The following GRIA4 variants were observed in gnomAD, a reference collection of about 807,000 sequenced individuals.
The protein encoded by GRIA4 is glutamate receptor 4.
Under a neutral mutation model 104.0 loss-of-function variants are expected in GRIA4, and 34 were observed. The ratio of observed to expected loss-of-function variants is 0.33; its 90% CI spans 0.25 to 0.44. The LOEUF (loss-of-function observed/expected upper bound fraction) is 0.44. GRIA4 is among the 20% of genes least tolerant of loss of function. GRIA4 has a pLI of 1.00. For synonymous variants in GRIA4, 386 were observed against 381.9 expected, an observed-to-expected ratio of 1.01 and a Z score of -0.13; for missense variants, 750 against 1,096.5, an observed-to-expected ratio of 0.68 and a Z score of 4.46.
At chr11:105,786,123 C>T (rs114458076) in intron 4 of GRIA4, among the ~76,000 whole-genome samples, 1,328 of 118,352 alleles carry the variant, frequency 0.011, 31 homozygotes, top group African/African-American at 0.042. Flanking sequence ...CCAGCCTGGG[C>T]GACACAGTGA....
Position 105,974,403 on chromosome 11 carries a change from G to T in GRIA4, c.2503G>T (p.Glu835Ter). 6.2e-7 allele frequency: 1 copy of T among 1,614,014 alleles called. No homozygotes were observed. Among genetic ancestry groups the T allele is most frequent in the Non-Finnish European group, 8.5e-7 (1 of 1,179,914 alleles). Residue 835 changes from glutamate to a stop codon, truncating the protein, a stop_gained, in exon 16 of 17, where the codon GAG becomes TAG. Transcript: ENST00000282499. LOFTEE classifies it high-confidence loss of function. ...LGLAMLVALIEFCYKSRAEAK... is the reference protein window; with the variant it reads ...LGLAMLVALI ...CTTGGCAATGCTGGTGGCTTTGATA[G>T]AGTTCTGTTACAAGTCCAGGGCAGA...
At chr11:105,972,255 T>C (rs1225965537) in intron 15 of GRIA4, among the ~76,000 whole-genome samples, 1 of 152,220 alleles carries the variant, frequency 6.6e-6, no homozygotes, top group African/African-American at 2.4e-5. Flanking sequence ...GCAAAAATTC[T>C]TAAATAATAA....
intron 3 of GRIA4, among the ~76,000 whole-genome samples, chr11:105,668,371 T>C (rs1420338004): frequency 4.7e-5 from 7 of 149,118 alleles, no homozygotes; most frequent in Admixed American, 2.0e-4. Flanking sequence ...TGTATATATA[T>C]AAAATATTTT....
chr11:105,939,536 T>C (rs1351880618), intron 14 of GRIA4, among the ~76,000 whole-genome samples: 1 of 152,174 alleles, frequency 6.6e-6, no homozygotes, highest in Non-Finnish European at 1.5e-5. Flanking sequence ...TCTGGACCCA[T>C]ATTTAAATTC....
chr11:105,820,903 A>G (rs1251454839), intron 4 of GRIA4, among the ~76,000 whole-genome samples: 3 of 152,266 alleles, frequency 2.0e-5, no homozygotes, highest in Admixed American at 1.3e-4. Flanking sequence ...TATTTTCCAA[A>G]CCAAAAATTG....
intron 5 of GRIA4, among the ~76,000 whole-genome samples, chr11:105,884,165 TG>T (rs1946169600): frequency 6.6e-6 from 1 of 152,240 alleles, no homozygotes; most frequent in Non-Finnish European, 1.5e-5. Context: ...CTACTCACCC[TG>T]GGCATTGTTT....
intron 15 of GRIA4, among the ~76,000 whole-genome samples, chr11:105,972,329 T>C (rs72979239): frequency 0.065 from 9,883 of 152,202 alleles, 449 homozygotes; most frequent in East Asian, 0.15. Context: ...TTTGGGGTAG[T>C]TTTTTTGTTT....
chr11:105,752,166 T>C (rs1006048412), intron 3 of GRIA4, among the ~76,000 whole-genome samples: 33 of 152,308 alleles, frequency 2.2e-4, no homozygotes, highest in African/African-American at 7.2e-4. Flanking sequence ...ATTTATGATG[T>C]TGCTTCATGG....
intron 13 of GRIA4, among the ~76,000 whole-genome samples, chr11:105,933,148 G>A (rs946472524): frequency 8.6e-5 from 13 of 151,758 alleles, no homozygotes; most frequent in African/African-American, 2.9e-4. Flanking sequence ...AGGCTGAGGC[G>A]GGAGGATCTC....
intron 3 of GRIA4, among the ~76,000 whole-genome samples, chr11:105,622,298 G>T (rs1354776939): frequency 1.3e-5 from 2 of 151,454 alleles, no homozygotes; most frequent in Non-Finnish European, 3.0e-5. Context: ...TTTTATATTT[G>T]TAACACTAAC....
intron 3 of GRIA4, among the ~76,000 whole-genome samples, chr11:105,740,630 A>G (rs1742400918): frequency 1.3e-5 from 2 of 152,184 alleles, no homozygotes; most frequent in South Asian, 4.2e-4. Context: ...TATGAAGAAA[A>G]TAACTGTAGT....
chr11:105,809,481 G>A (rs917135732), intron 4 of GRIA4, among the ~76,000 whole-genome samples: 4 of 152,076 alleles, frequency 2.6e-5, no homozygotes, highest in Admixed American at 2.0e-4. Context: ...ATCTCATCTC[G>A]AATTGTAATT....
At chr11:105,867,564 C>T (rs928481759) in intron 5 of GRIA4, among the ~76,000 whole-genome samples, 3 of 152,288 alleles carry the variant, frequency 2.0e-5, no homozygotes, top group South Asian at 4.1e-4. Context: ...TTAAAAGGAG[C>T]TGAAGGCTTA....
chr11:105,918,012 T>C (rs1947459628), intron 10 of GRIA4, among the ~76,000 whole-genome samples: 1 of 152,014 alleles, frequency 6.6e-6, no homozygotes, highest in Non-Finnish European at 1.5e-5. Flanking sequence ...TGGAGGAAAA[T>C]TATCAGCATC....
chr11:105,886,930 G>C (rs951904734), intron 5 of GRIA4, among the ~76,000 whole-genome samples: 12 of 150,476 alleles, frequency 8.0e-5, no homozygotes, highest in Middle Eastern at 3.4e-3. Flanking sequence ...GAATCCAACA[G>C]AGAGAAAAGC....
intron 5 of GRIA4, among the ~76,000 whole-genome samples, chr11:105,879,805 C>T (rs1945980161): frequency 6.6e-6 from 1 of 152,054 alleles, no homozygotes; most frequent in Non-Finnish European, 1.5e-5. Context: ...ATATGATAGA[C>T]AATGTTATTC....
intron 3 of GRIA4, among the ~76,000 whole-genome samples, chr11:105,658,583 T>C (rs943340447): frequency 6.6e-6 from 1 of 151,644 alleles, no homozygotes; most frequent in Non-Finnish European, 1.5e-5. Context: ...CAGAAAGAAA[T>C]ATACTCATAA....
intron 14 of GRIA4, among the ~76,000 whole-genome samples, chr11:105,945,210 C>G (rs1011351728): frequency 6.6e-6 from 1 of 152,162 alleles, no homozygotes; most frequent in Non-Finnish European, 1.5e-5. Flanking sequence ...CTGTGAACTC[C>G]TACTCTAAGC....
chr11:105,925,534 G>T (rs1317033535), intron 12 of GRIA4, among the ~76,000 whole-genome samples: 2 of 152,090 alleles, frequency 1.3e-5, no homozygotes, highest in African/African-American at 4.8e-5. Context: ...CAAATATATG[G>T]ATTTCTTTCT....
Sources: gnomAD v4.1 joint callset for allele counts (sites outside exome capture counted in the v4.1 genomes callset) on GRCh38, gnomAD v4.1.1 for gene constraint, MANE v1.5 for transcripts, NCBI Gene and HGNC (gene_info 2026-07-23, HGNC 2026-07-21) for gene names.